Variants in DGKG observed in about 807,000 individuals in gnomAD.
DGKG encodes the protein diacylglycerol kinase gamma.
A neutral mutation model predicts 105.3 loss-of-function variants in DGKG; 78 were observed. That is an observed-to-expected ratio of 0.74 (90% CI 0.62 to 0.89). DGKG has a LOEUF of 0.89. DGKG is among the 40% of genes least tolerant of loss of function. DGKG has a pLI of 0.00. For synonymous variants in DGKG, 346 were observed against 367.1 expected, an observed-to-expected ratio of 0.94 and a Z score of 0.66; for missense variants, 958 against 1,020.1, an observed-to-expected ratio of 0.94 and a Z score of 0.83.
intron 22 of DGKG, among the ~76,000 whole-genome samples, chr3:186,179,769 A>G (rs990070568): frequency 1.3e-5 from 2 of 152,212 alleles, no homozygotes. Flanking sequence ...ATGTAGAGTC[A>G]GTTGGGAATA....
intron 5 of DGKG, among the ~76,000 whole-genome samples, chr3:186,293,450 C>T (rs1010064712): frequency 6.6e-6 from 1 of 152,168 alleles, no homozygotes; most frequent in Non-Finnish European, 1.5e-5. Context: ...TGAAACATCT[C>T]GACAGCCTGA....
At chr3:186,266,445 A>G (rs917240570) in intron 13 of DGKG, among the ~76,000 whole-genome samples, 9 of 152,202 alleles carry the variant, frequency 5.9e-5, no homozygotes, top group African/African-American at 2.2e-4. Context: ...TAAAGCTGCT[A>G]TGAGCATTCT....
rs1014216749 is a variant in DGKG at position 186,150,308 on chromosome 3, C to A, written c.2278-120G>T. On this transcript the variant is annotated intron_variant, in intron 24 of 24. Coordinates refer to ENST00000265022, the MANE Select transcript of DGKG (RefSeq NM_001346.3). ...ATGGAAGGAGCCCCATGCAGAAGGA[C>A]AACTGTCCTTGAACGGCTTCAAAAT... 6.9e-6 allele frequency: 9 copies of A among 1,312,010 alleles called. No homozygotes were observed. The Admixed American group carries it at 1.1e-4, about 16-fold the overall frequency. 81.3% of individuals were successfully genotyped at this position (1,312,010 alleles called of 1,614,324 possible). A position where few individuals can be genotyped will look rare whatever the true frequency, so the allele number is the denominator to read the frequency against.
At chr3:186,298,021 G>A in intron 4 of DGKG, 43 bp downstream of exon 4, 4 of 1,567,544 alleles carry the variant, frequency 2.6e-6, no homozygotes, top group Non-Finnish European at 3.5e-6. Flanking sequence ...CAGGGGATGA[G>A]AGCTGCGCAA....
chr3:186,219,023 T>C lies in DGKG; in HGVS notation c.1827-7138A>G, dbSNP rs116643325. Among the ~76,000 whole-genome samples, 1,147 of 152,074 alleles carry C rather than the reference T, an allele frequency of 7.5e-3. 13 individuals are homozygous for C. Among genetic ancestry groups the C allele is most frequent in the African/African-American group, 0.026 (1,077 of 41,474 alleles). On this transcript the variant is annotated intron_variant, in intron 20 of 24. Coordinates refer to ENST00000265022, the MANE Select transcript of DGKG (RefSeq NM_001346.3). ...CAGAACGGCCAAATGCAACAAGAGT[T>C]GAATTATAATTGATAAATATTAGTA...
chr3:186,325,289 T>C lies in DGKG; in HGVS notation c.-248-4582A>G, dbSNP rs559738023. On this transcript the variant is annotated intron_variant, in intron 1 of 24. Transcript: ENST00000265022. The stretch of plus-strand genomic sequence containing the variant: ...GCTGAAAAACTGAAAAACTGAAAAA[T>C]TGGGTACTATGCTCACTACCTGGGT... Among the ~76,000 whole-genome samples, 121 of 152,112 alleles carry C rather than the reference T, an allele frequency of 8.0e-4. 2 individuals carry two copies. Among genetic ancestry groups the C allele is most frequent in the African/African-American group, 2.7e-3 (114 of 41,488 alleles).
intron 10 of DGKG, among the ~76,000 whole-genome samples, chr3:186,272,958 A>T (rs1339259899): frequency 6.6e-6 from 1 of 152,008 alleles, no homozygotes; most frequent in African/African-American, 2.4e-5. Context: ...CGAACTCCTG[A>T]CCTCAGGTGA....
At chr3:186,217,287 A>ACAAT (rs1719342778) in intron 20 of DGKG, among the ~76,000 whole-genome samples, 1 of 151,990 alleles carries the variant, frequency 6.6e-6, no homozygotes, top group Non-Finnish European at 1.5e-5. Context: ...TTCCCCTCTT[A>ACAAT]CAATCACCTT....
chr3:186,315,249 T>A (rs1724761419), intron 2 of DGKG, among the ~76,000 whole-genome samples: 1 of 152,194 alleles, frequency 6.6e-6, no homozygotes, highest in Non-Finnish European at 1.5e-5. Flanking sequence ...AATTAATGTA[T>A]TCCACACTTT....
At chr3:186,194,756 G>A (rs1246762663) in intron 21 of DGKG, among the ~76,000 whole-genome samples, 2 of 142,176 alleles carry the variant, frequency 1.4e-5, no homozygotes, top group Non-Finnish European at 3.0e-5. Flanking sequence ...CCCTGTCACT[G>A]AGTTATTGTC....
chr3:186,355,659 T>A (rs575342794), intron 1 of DGKG, among the ~76,000 whole-genome samples: 130 of 151,110 alleles, frequency 8.6e-4, no homozygotes, highest in African/African-American at 2.9e-3. Context: ...ACCACCAGCA[T>A]CACTGTCCTA....
chr3:186,216,804 G>A (rs17295554), intron 20 of DGKG, among the ~76,000 whole-genome samples: 14,960 of 152,158 alleles, frequency 0.098, 764 homozygotes, highest in Middle Eastern at 0.18. Context: ...CTTAGCCCTT[G>A]TTGGAGGACC....
At chr3:186,306,677 GAGCAGAGGAGAAGTA>G in intron 3 of DGKG, 1 of 488,392 alleles carries the variant, frequency 2.0e-6, no homozygotes, top group South Asian at 3.1e-5. Context: ...GGTGAGAGAT[GAGCAGAGGAGAAGTA>G]GTGGTAGTCT....
chr3:186,248,360 C>T (rs907108876), intron 19 of DGKG, among the ~76,000 whole-genome samples: 20 of 152,256 alleles, frequency 1.3e-4, no homozygotes, highest in African/African-American at 4.8e-4. Flanking sequence ...GCTCTGGCTT[C>T]CAGCCCGTTG....
rs550133568 is a variant in DGKG, at chr3:186,261,608, T to C, written c.1349+91A>G. 151 of 920,330 alleles carry C rather than the reference T, an allele frequency of 1.6e-4. No homozygotes were observed. The African/African-American group carries it at 2.2e-3, about 13-fold the overall frequency. 57.0% of individuals were successfully genotyped at this position (920,330 alleles called of 1,614,324 possible). On this transcript the variant is annotated intron_variant, in intron 15 of 24. Transcript: ENST00000265022. ...CAGTGCTGGGATTTGAGTCTGCCTG[T>C]CTCCACAGCCTGCTGTGTTCCTGCC...
In DGKG at chr3:186,320,597, T is replaced by G. The variant is rs1725031799; in HGVS notation, c.-138A>C. ...CAGGAGACTTCTGGGAGCACTCAAG[T>G]GTATACAGCAGCAGCAGGCACCTCT... is the stretch of plus-strand genomic sequence containing the variant. On this transcript the variant is annotated 5_prime_UTR_variant, in exon 2 of 25. Transcript: ENST00000265022. 1 of 1,439,888 alleles carries G rather than the reference T, an allele frequency of 6.9e-7. No individual in the cohort carries two copies. The highest frequency in any genetic ancestry group is 1.4e-5 in the African/African-American group (1 of 70,238). 89.2% of individuals were successfully genotyped at this position (1,439,888 alleles called of 1,614,324 possible). A position where few individuals can be genotyped will look rare whatever the true frequency, so the allele number is the denominator to read the frequency against.
chr3:186,291,225 G>C (rs1283553920), intron 5 of DGKG, among the ~76,000 whole-genome samples: 1 of 151,506 alleles, frequency 6.6e-6, no homozygotes, highest in Non-Finnish European at 1.5e-5. Flanking sequence ...GGAATCCTAC[G>C]CAACCCTTTT....
At position 186,259,838 on chromosome 3, in the gene DGKG, G is replaced by T. The variant is rs941810903; in HGVS notation, c.1424+601C>A. On this transcript the variant is annotated intron_variant, in intron 16 of 24. Transcript: ENST00000265022. ...CATTAGCCGCAGACACAGGGACCAC[G>T]CCTCCCACCAGGCCTCTTTACAACC... 3.9e-5 allele frequency among the ~76,000 whole-genome samples: 6 copies of T among 152,276 alleles called. No homozygotes were observed. The Middle Eastern group carries it at 0.01, about 259-fold the overall frequency.
chr3:186,167,429 A>G (rs1716600061), intron 22 of DGKG, among the ~76,000 whole-genome samples: 1 of 152,238 alleles, frequency 6.6e-6, no homozygotes, highest in Non-Finnish European at 1.5e-5. Flanking sequence ...TGATGCCTAT[A>G]AACAACCCAC....
Sources: gnomAD v4.1 joint callset for allele counts (sites outside exome capture counted in the v4.1 genomes callset) on GRCh38, gnomAD v4.1.1 for gene constraint, MANE v1.5 for transcripts, NCBI Gene and HGNC (gene_info 2026-07-23, HGNC 2026-07-21) for gene names.